LRFN5: variants seen among roughly 807,000 people sequenced by gnomAD.
The protein encoded by LRFN5 is leucine rich repeat and fibronectin type III domain containing 5.
In LRFN5, 24 loss-of-function variants were observed where a neutral mutation model predicts 45.6. The ratio of observed to expected loss-of-function variants is 0.53; its 90% CI spans 0.38 to 0.74. The LOEUF (loss-of-function observed/expected upper bound fraction) is 0.74. Among genes scored for constraint, LRFN5 ranks in the 30% least tolerant of loss-of-function variants. The probability of loss-of-function intolerance (pLI) is 0.00; values close to 1 mark genes in which losing one functional copy is unlikely to be tolerated. For missense variants in LRFN5, 776 were observed against 861.5 expected, an observed-to-expected ratio of 0.90 and a Z score of 1.24; for synonymous variants, 340 against 313.8, an observed-to-expected ratio of 1.08 and a Z score of -0.88.
At chr14:41,814,055 A>G (rs965084407) in intron 2 of LRFN5, among the ~76,000 whole-genome samples, 1 of 151,452 alleles carries the variant, frequency 6.6e-6, no homozygotes, top group Non-Finnish European at 1.5e-5. Flanking sequence ...GAGATTCTGC[A>G]TATTAGCCCT....
chr14:41,808,980 C>T (rs1314358686), intron 2 of LRFN5, among the ~76,000 whole-genome samples: 1 of 152,062 alleles, frequency 6.6e-6, no homozygotes, highest in Non-Finnish European at 1.5e-5. Context: ...ATTCATCTGG[C>T]ACTATAAGTA....
intron 1 of LRFN5, among the ~76,000 whole-genome samples, chr14:41,675,011 C>T (rs1000522470): frequency 1.3e-5 from 2 of 151,790 alleles, no homozygotes; most frequent in East Asian, 1.9e-4. Flanking sequence ...GATGGGCGGC[C>T]GGGCAGAGAC....
chr14:41,793,904 A>G (rs570030557), intron 2 of LRFN5, among the ~76,000 whole-genome samples: 2 of 152,162 alleles, frequency 1.3e-5, no homozygotes, highest in South Asian at 4.1e-4. Flanking sequence ...TATATCTGAA[A>G]TTAAATTCAT....
intron 4 of LRFN5, among the ~76,000 whole-genome samples, chr14:41,897,402 C>G (rs890723684): frequency 1.3e-5 from 2 of 151,696 alleles, no homozygotes; most frequent in Non-Finnish European, 2.9e-5. Context: ...CTTTCAAAGT[C>G]AAAATTTAGG....
chr14:41,625,085 T>C (rs145237455), intron 1 of LRFN5, among the ~76,000 whole-genome samples: 3 of 152,148 alleles, frequency 2.0e-5, no homozygotes, highest in Non-Finnish European at 4.4e-5. Context: ...ATCTTCATCA[T>C]GATTAATGGA....
At chr14:41,646,269 T>C (rs1007589336) in intron 1 of LRFN5, among the ~76,000 whole-genome samples, 1 of 152,222 alleles carries the variant, frequency 6.6e-6, no homozygotes, top group African/African-American at 2.4e-5. Context: ...ATCCCATTGA[T>C]TGGATGCTGT....
At chr14:41,758,019 A>T (rs1885488626) in intron 1 of LRFN5, among the ~76,000 whole-genome samples, 1 of 152,140 alleles carries the variant, frequency 6.6e-6, no homozygotes, top group Non-Finnish European at 1.5e-5. Flanking sequence ...TTAATGTAAA[A>T]GTAGAGCCCC....
chr14:41,800,609 C>T (rs1194686128), intron 2 of LRFN5, among the ~76,000 whole-genome samples: 1 of 151,630 alleles, frequency 6.6e-6, no homozygotes, highest in Non-Finnish European at 1.5e-5. Flanking sequence ...TTCAGCTGTA[C>T]TCTATATAAA....
Position 41,887,990 on chromosome 14 carries a change from T to C in LRFN5, c.1365T>C (p.Tyr455=), listed in dbSNP as rs1189349315. The stretch of plus-strand genomic sequence containing the variant: ...TTCAAATCCAGTACAATGGTACTTA[T>C]GATGACACCCTTGTTTACAGGTAAG... ...RMFQIQYNGT[Y]DDTLVYRMIP... is the part of the protein sequence containing the mutation. The change falls in exon 3 of 6, where the codon TAT becomes TAC. Residue 455 remains tyrosine, a synonymous_variant. Transcript: ENST00000298119. The surrounding 1 kb of genome is among the most constrained non-coding windows in gnomAD (Gnocchi z 4.8). 1.2e-6 allele frequency: 2 copies of C among 1,603,252 alleles called. No homozygotes were observed. Among genetic ancestry groups the C allele is most frequent in the South Asian group, 1.1e-5 (1 of 89,232 alleles).
At chr14:41,875,140 A>C (rs1330692324) in intron 2 of LRFN5, among the ~76,000 whole-genome samples, 1 of 152,240 alleles carries the variant, frequency 6.6e-6, no homozygotes, top group Non-Finnish European at 1.5e-5. Flanking sequence ...TGGAGGTACT[A>C]CTGTTTTAAT....
intron 2 of LRFN5, among the ~76,000 whole-genome samples, chr14:41,844,166 A>ACG (rs1234223362): frequency 1.3e-5 from 2 of 152,182 alleles, no homozygotes; most frequent in Non-Finnish European, 2.9e-5. Context: ...GGCCGGGTGC[A>ACG]GTGGCTCACG....
At chr14:41,841,816 G>A (rs1431624615) in intron 2 of LRFN5, among the ~76,000 whole-genome samples, 1 of 151,266 alleles carries the variant, frequency 6.6e-6, no homozygotes, top group East Asian at 1.9e-4. Flanking sequence ...GTTGTTTTGT[G>A]GGTTAGTTTT....
intron 2 of LRFN5, among the ~76,000 whole-genome samples, chr14:41,803,426 G>A (rs1316797844): frequency 6.6e-6 from 1 of 151,394 alleles, no homozygotes; most frequent in Admixed American, 6.6e-5. Flanking sequence ...ATCATACCTC[G>A]CTGCCGCCTC....
At chr14:41,815,006 AG>A (rs1292680252) in intron 2 of LRFN5, among the ~76,000 whole-genome samples, 1 of 152,186 alleles carries the variant, frequency 6.6e-6, no homozygotes, top group Admixed American at 6.5e-5. Flanking sequence ...ACTAAAAAAA[AG>A]TCTATTCCAA....
chr14:41,892,727 A>G, intron 4 of LRFN5: 2 of 985,366 alleles, frequency 2.0e-6, no homozygotes, highest in Non-Finnish European at 2.4e-6. Context: ...TAATGGTTGT[A>G]AGATATTTCT....
Position 41,891,951 on chromosome 14 carries a change from A to AT in LRFN5, c.2088dup (p.Ile697TyrfsTer9). ...GAGGGGCCCACGTCTAAAAGAGCAC[A>AT]TATAAAGCCAAGTAAGTTTATCACT... On this transcript the variant is annotated frameshift_variant, in exon 4 of 6. Coordinates refer to ENST00000298119, the MANE Select transcript of LRFN5 (RefSeq NM_152447.5). LOFTEE classifies it high-confidence loss of function. 2 of 1,612,354 alleles carry AT rather than the reference A, an allele frequency of 1.2e-6. No homozygotes were observed. The highest frequency in any genetic ancestry group is 2.7e-5 in the African/African-American group (2 of 74,870).
At chr14:41,683,564 C>G (rs1427213112) in intron 1 of LRFN5, among the ~76,000 whole-genome samples, 1 of 151,900 alleles carries the variant, frequency 6.6e-6, no homozygotes, top group East Asian at 1.9e-4. Context: ...AAAGATTCCA[C>G]CAAAAACTAT....
intron 2 of LRFN5, among the ~76,000 whole-genome samples, chr14:41,829,830 C>A (rs1055435343): frequency 6.6e-6 from 1 of 151,162 alleles, no homozygotes; most frequent in African/African-American, 2.4e-5. Context: ...ATTTATACAA[C>A]CTTTTTATTC....
chr14:41,885,901 A>C (rs1890552149), intron 2 of LRFN5, among the ~76,000 whole-genome samples: 1 of 151,678 alleles, frequency 6.6e-6, no homozygotes, highest in East Asian at 2.0e-4. Context: ...CTGTAATCCT[A>C]GCTACTCAGG....
Sources: gnomAD v4.1 joint callset for allele counts (sites outside exome capture counted in the v4.1 genomes callset) on GRCh38, gnomAD v4.1.1 for gene constraint, Gnocchi (gnomAD v3.1) non-coding constraint, MANE v1.5 for transcripts, NCBI Gene and HGNC (gene_info 2026-07-23, HGNC 2026-07-21) for gene names.